Variants in SLC24A2 observed in about 807,000 individuals in gnomAD.
The protein encoded by SLC24A2 is sodium/potassium/calcium exchanger 2.
SLC24A2 carries 36 observed loss-of-function variants against 62.0 expected under a neutral mutation model. That is an observed-to-expected ratio of 0.58 (90% CI 0.44 to 0.77). SLC24A2 has a LOEUF of 0.77. Among genes scored for constraint, SLC24A2 ranks in the 30% least tolerant of loss-of-function variants. SLC24A2 has a pLI of 0.00. For synonymous variants in SLC24A2, 358 were observed against 294.0 expected (o/e 1.22, Z -2.23); for missense variants, 846 against 817.9 (o/e 1.03, Z -0.42).
At chr9:19,839,851 T>G in the SLC24A2 span, among the ~76,000 whole-genome samples, 1 of 152,172 alleles carries the variant, frequency 6.6e-6, no homozygotes, top group Non-Finnish European at 1.5e-5. Context: ...TCATAGCCAT[T>G]GTGTTAACTG....
At chr9:19,685,679 C>G (rs1458072948) in intron 2 of SLC24A2, among the ~76,000 whole-genome samples, 1 of 152,008 alleles carries the variant, frequency 6.6e-6, no homozygotes, top group Non-Finnish European at 1.5e-5. Context: ...GGAAAAGACT[C>G]CCTATTCAAA....
At chr9:20,056,890 C>A in the SLC24A2 span, among the ~76,000 whole-genome samples, 7 of 152,172 alleles carry the variant, frequency 4.6e-5, no homozygotes, top group Non-Finnish European at 8.8e-5. Flanking sequence ...ATTTAAAAAA[C>A]CCCTCTCTTT....
At chr9:19,650,339 G>A (rs556099800) in intron 2 of SLC24A2, among the ~76,000 whole-genome samples, 1 of 152,298 alleles carries the variant, frequency 6.6e-6, no homozygotes, top group South Asian at 2.1e-4. Context: ...CTGGGTAAGA[G>A]AAACAGAGCC....
chr9:20,094,831 T>C, the SLC24A2 span, among the ~76,000 whole-genome samples: 36 of 152,300 alleles, frequency 2.4e-4, no homozygotes, highest in African/African-American at 7.5e-4. Flanking sequence ...AAAGATCTAT[T>C]TGAAATGGTA....
At chr9:19,654,117 A>G (rs1249115560) in intron 2 of SLC24A2, among the ~76,000 whole-genome samples, 1 of 152,110 alleles carries the variant, frequency 6.6e-6, no homozygotes, top group Non-Finnish European at 1.5e-5. Flanking sequence ...CCATTGATCC[A>G]CTTTTGGTTA....
At chr9:19,710,440 C>T (rs555416600) in intron 2 of SLC24A2, among the ~76,000 whole-genome samples, 6 of 152,242 alleles carry the variant, frequency 3.9e-5, no homozygotes, top group Admixed American at 3.3e-4. Context: ...GTCTTCCTCA[C>T]TGAAGTGACA....
At chr9:20,099,186 G>A in the SLC24A2 span, among the ~76,000 whole-genome samples, 1 of 152,114 alleles carries the variant, frequency 6.6e-6, no homozygotes, top group Non-Finnish European at 1.5e-5. Context: ...TTCTTTAGTA[G>A]GCTTTTGAAA....
At chr9:19,947,607 G>A in the SLC24A2 span, among the ~76,000 whole-genome samples, 2 of 151,614 alleles carry the variant, frequency 1.3e-5, no homozygotes, top group Non-Finnish European at 2.9e-5. Context: ...TGGCTAACAC[G>A]GTGAAACCCT....
At chr9:19,739,823 G>A (rs756894787) in intron 2 of SLC24A2, among the ~76,000 whole-genome samples, 8 of 152,110 alleles carry the variant, frequency 5.3e-5, no homozygotes, top group South Asian at 2.1e-4. Flanking sequence ...ATTGGACTAC[G>A]TTAAAACTAA....
At chr9:20,015,829 G>C in the SLC24A2 span, among the ~76,000 whole-genome samples, 3 of 152,122 alleles carry the variant, frequency 2.0e-5, no homozygotes, top group African/African-American at 7.2e-5. Flanking sequence ...GATTCTTCCT[G>C]TTCTCAGCTT....
At chr9:19,977,775 A>T in the SLC24A2 span, among the ~76,000 whole-genome samples, 1 of 152,306 alleles carries the variant, frequency 6.6e-6, no homozygotes, top group African/African-American at 2.4e-5. Flanking sequence ...GTATTTAGAA[A>T]GAAGAGGGAG....
At chr9:19,587,457 T>C (rs1320381235) in intron 5 of SLC24A2, among the ~76,000 whole-genome samples, 1 of 152,208 alleles carries the variant, frequency 6.6e-6, no homozygotes, top group Non-Finnish European at 1.5e-5. Flanking sequence ...CAACTTTACA[T>C]TGTAATCTGG....
the SLC24A2 span, among the ~76,000 whole-genome samples, chr9:20,107,642 A>T: frequency 6.6e-6 from 1 of 152,206 alleles, no homozygotes; most frequent in African/African-American, 2.4e-5. Flanking sequence ...GGCTAGCCAT[A>T]TGGAGAAAGC....
rs1425289060 is a variant in SLC24A2 at position 19,769,874 on chromosome 9, T to C, written c.930+16063A>G. On this transcript the variant is annotated intron_variant, in intron 2 of 10. Transcript: ENST00000341998. ...TGTCTACACTTGTGTCTGTGGGGGGTTGCCTGTTCTATTTGGTCTGCTCAG... is the reference window on the plus strand; with the variant it reads ...TGTCTACACTTGTGTCTGTGGGGGGCTGCCTGTTCTATTTGGTCTGCTCAG... Among the ~76,000 whole-genome samples, 3 of 152,004 alleles carry C rather than the reference T, an allele frequency of 2.0e-5. No individual in the cohort carries two copies. In the East Asian group the frequency reaches 5.8e-4, roughly 30 times the overall value.
the SLC24A2 span, among the ~76,000 whole-genome samples, chr9:20,026,805 A>G: frequency 6.6e-6 from 1 of 152,178 alleles, no homozygotes; most frequent in Admixed American, 6.5e-5. Context: ...CACAGGCAAC[A>G]AAAGCAAAAA....
the SLC24A2 span, among the ~76,000 whole-genome samples, chr9:20,029,905 G>C: frequency 6.6e-6 from 1 of 152,092 alleles, no homozygotes; most frequent in African/African-American, 2.4e-5. Flanking sequence ...ATTATGGTGT[G>C]ACAAGCCCCA....
chr9:19,561,823 T>C (rs1835419295), intron 7 of SLC24A2, among the ~76,000 whole-genome samples: 1 of 152,006 alleles, frequency 6.6e-6, no homozygotes, highest in Non-Finnish European at 1.5e-5. Context: ...GTTTGTTTTA[T>C]ATATAGATGG....
chr9:19,789,012 A>T lies in SLC24A2; in HGVS notation c.-281T>A. On this transcript the variant is annotated 5_prime_UTR_variant, in exon 1 of 11. Coordinates refer to ENST00000341998, the MANE Select transcript of SLC24A2 (RefSeq NM_020344.4). ...GCTCGCACTGGCTGCCGCTCTCGCCAGCCGGGCTGGGTTCGGGAGGAGACT... is the reference window on the plus strand; with the variant it reads ...GCTCGCACTGGCTGCCGCTCTCGCCTGCCGGGCTGGGTTCGGGAGGAGACT... 1 of 940,030 alleles carries T rather than the reference A, an allele frequency of 1.1e-6. No individual in the cohort carries two copies. The highest frequency in any genetic ancestry group is 1.3e-6 in the Non-Finnish European group (1 of 788,564). The allele number at this position is 940,030 out of a possible 1,614,324, so 58.2% of individuals were successfully genotyped here. A position where few individuals can be genotyped will look rare whatever the true frequency, so the allele number is the denominator to read the frequency against.
chr9:20,274,264 TG>T, the SLC24A2 span, among the ~76,000 whole-genome samples: 1 of 152,076 alleles, frequency 6.6e-6, no homozygotes, highest in African/African-American at 2.4e-5. Flanking sequence ...CCAGGAGTGC[TG>T]GGGGCCTGCT....
Sources: allele counts gnomAD v4.1 joint callset (sites outside exome capture counted in the v4.1 genomes callset), GRCh38; gene constraint gnomAD v4.1.1; transcripts MANE v1.5; gene names NCBI Gene and HGNC (gene_info 2026-07-23, HGNC 2026-07-21).